The following GPR158 variants were observed in gnomAD, a reference collection of about 807,000 sequenced individuals.
GPR158 encodes the protein metabotropic glycine receptor.
GPR158 carries 30 observed loss-of-function variants against 78.2 expected under a neutral mutation model. The ratio of observed to expected loss-of-function variants is 0.38; its 90% confidence interval spans 0.29 to 0.52. The LOEUF (loss-of-function observed/expected upper bound fraction) is 0.52, where lower values mean the gene tolerates loss of function less well. GPR158 is among the 20% of genes least tolerant of loss of function. The pLI is 0.83. For synonymous variants in GPR158, 581 were observed against 591.1 expected (o/e 0.98, Z 0.25); for missense variants, 1,463 against 1,523.5 (o/e 0.96, Z 0.66).
chr10:25,579,418 C>T (rs751833933), intron 7 of GPR158, among the ~76,000 whole-genome samples: 6 of 152,134 alleles, frequency 3.9e-5, no homozygotes, highest in Non-Finnish European at 8.8e-5. Context: ...CAGGCAGGTC[C>T]TCCAGTATGG....
Position 25,600,500 on chromosome 10 carries a change from G to A in GPR158, c.*1226G>A, listed in dbSNP as rs1261734385. ...TTATTTTTTTAAAGAGAAAAATTATGGTAGCATCAAGATCATTGTATGGAT... is the reference window on the plus strand; with the variant it reads ...TTATTTTTTTAAAGAGAAAAATTATAGTAGCATCAAGATCATTGTATGGAT... On this transcript the variant is annotated 3_prime_UTR_variant, in exon 11 of 11. Coordinates refer to ENST00000376351, the MANE Select transcript of GPR158 (RefSeq NM_020752.3). The A allele has an allele frequency of 6.6e-6, 1 of 151,966 alleles. No homozygotes were observed. Among genetic ancestry groups the A allele is most frequent in the South Asian group, 2.1e-4 (1 of 4,816 alleles). The allele number at this position is 151,966 out of a possible 1,614,324, so 9.4% of individuals were successfully genotyped here.
intron 7 of GPR158, among the ~76,000 whole-genome samples, chr10:25,585,728 C>T (rs1404291808): frequency 6.6e-6 from 1 of 152,176 alleles, no homozygotes; most frequent in Non-Finnish European, 1.5e-5. Context: ...CCTGTAATCC[C>T]AGCACTTTGG....
chr10:25,355,389 C>G (rs978928545), intron 2 of GPR158, among the ~76,000 whole-genome samples: 1 of 152,002 alleles, frequency 6.6e-6, no homozygotes, highest in Non-Finnish European at 1.5e-5. Context: ...TTATTTAAAT[C>G]TCATTGTTAA....
chr10:25,370,024 C>G (rs1027671419), intron 2 of GPR158, among the ~76,000 whole-genome samples: 23 of 136,878 alleles, frequency 1.7e-4, no homozygotes, highest in Admixed American at 5.1e-4. Context: ...TCCCCTTTAT[C>G]ATTTTTTATT....
At chr10:25,514,693 T>G (rs1356788307) in intron 5 of GPR158, among the ~76,000 whole-genome samples, 1 of 152,230 alleles carries the variant, frequency 6.6e-6, no homozygotes, top group Admixed American at 6.5e-5. Context: ...TTTTAGCAGT[T>G]CTTGTAGTGC....
At chr10:25,326,625 C>T (rs764936138) in intron 2 of GPR158, among the ~76,000 whole-genome samples, 23 of 151,784 alleles carry the variant, frequency 1.5e-4, no homozygotes, top group Non-Finnish European at 2.4e-4. Flanking sequence ...GAAATGTTGG[C>T]CAAAAAGTAA....
chr10:25,225,951 C>T (rs1853367166), intron 2 of GPR158, among the ~76,000 whole-genome samples: 1 of 152,092 alleles, frequency 6.6e-6, no homozygotes, highest in Admixed American at 6.6e-5. Context: ...TCTTACATAC[C>T]AAATGTAACT....
intron 2 of GPR158, among the ~76,000 whole-genome samples, chr10:25,228,274 C>G (rs1853401075): frequency 2.0e-5 from 3 of 151,140 alleles, no homozygotes; most frequent in Non-Finnish European, 4.4e-5. Context: ...GACCTCATTT[C>G]TAAAAAAAAT....
intron 4 of GPR158, among the ~76,000 whole-genome samples, chr10:25,431,302 C>A (rs1417389143): frequency 6.9e-6 from 1 of 144,402 alleles, no homozygotes; most frequent in Non-Finnish European, 1.5e-5. Context: ...ATCAAAACCA[C>A]AATGAGATAC....
intron 5 of GPR158, among the ~76,000 whole-genome samples, chr10:25,481,206 GCA>G (rs1835660259): frequency 8.5e-6 from 1 of 118,146 alleles, no homozygotes; most frequent in Non-Finnish European, 1.9e-5. Context: ...CTTTACTGGG[GCA>G]CAGAGTGTCA....
chr10:25,426,185 G>A (rs1236719400), intron 4 of GPR158, among the ~76,000 whole-genome samples: 1 of 152,062 alleles, frequency 6.6e-6, no homozygotes, highest in African/African-American at 2.4e-5. Context: ...AGGGAGTTAT[G>A]GTCTTGCTCT....
chr10:25,579,148 C>T (rs1035472579), intron 7 of GPR158, among the ~76,000 whole-genome samples: 1 of 151,312 alleles, frequency 6.6e-6, no homozygotes, highest in Non-Finnish European at 1.5e-5. Flanking sequence ...GTACGACTGT[C>T]AGATTTTTTT....
chr10:25,485,821 T>C (rs1457107505), intron 5 of GPR158, among the ~76,000 whole-genome samples: 1 of 152,178 alleles, frequency 6.6e-6, no homozygotes, highest in Non-Finnish European at 1.5e-5. Flanking sequence ...GGGTTTGTTA[T>C]GGTCTGAATA....
intron 1 of GPR158, among the ~76,000 whole-genome samples, chr10:25,215,495 T>C (rs1468312241): frequency 1.7e-4 from 26 of 152,020 alleles, no homozygotes; most frequent in Admixed American, 1.7e-3. Context: ...ACATTAAAAA[T>C]GGTTAAGATG....
chr10:25,285,311 G>GTA (rs1854335594), intron 2 of GPR158, among the ~76,000 whole-genome samples: 1 of 152,032 alleles, frequency 6.6e-6, no homozygotes, highest in African/African-American at 2.4e-5. Context: ...ATGTATGTAT[G>GTA]TGTCTGTCTG....
chr10:25,266,507 A>T (rs113453188), intron 2 of GPR158, among the ~76,000 whole-genome samples: 1 of 152,186 alleles, frequency 6.6e-6, no homozygotes, highest in African/African-American at 2.4e-5. Flanking sequence ...ATTCGGTTCC[A>T]TTTAATGGAA....
At chr10:25,529,383 C>CA (rs144940987) in intron 5 of GPR158, among the ~76,000 whole-genome samples, 8,376 of 146,720 alleles carry the variant, frequency 0.057, 710 homozygotes, top group African/African-American at 0.19. Context: ...CGAGACTCCT[C>CA]AAAAAAAAAA....
intron 2 of GPR158, among the ~76,000 whole-genome samples, chr10:25,237,405 A>G (rs1208694775): frequency 1.3e-5 from 2 of 152,234 alleles, no homozygotes; most frequent in Non-Finnish European, 2.9e-5. Context: ...TAGAGGTTGA[A>G]TTAAAATGAA....
intron 5 of GPR158, among the ~76,000 whole-genome samples, chr10:25,521,485 C>T (rs1211694687): frequency 6.6e-6 from 1 of 152,202 alleles, no homozygotes; most frequent in African/African-American, 2.4e-5. Flanking sequence ...TCTGGTGCCT[C>T]CTTGATTAGC....
Sources: gnomAD v4.1 joint callset for allele counts (sites outside exome capture counted in the v4.1 genomes callset) on GRCh38, gnomAD v4.1.1 for gene constraint, MANE v1.5 for transcripts, NCBI Gene and HGNC (gene_info 2026-07-23, HGNC 2026-07-21) for gene names.